CNTNAP5: variants seen among roughly 807,000 people sequenced by gnomAD.
CNTNAP5 encodes the protein contactin-associated protein-like 5.
CNTNAP5 carries 72 observed loss-of-function variants against 150.2 expected under a neutral mutation model. The ratio of observed to expected loss-of-function variants is 0.48; its 90% CI spans 0.40 to 0.58. The LOEUF is 0.58. Among genes scored for constraint, CNTNAP5 ranks in the 20% least tolerant of loss-of-function variants. The probability of loss-of-function intolerance (pLI) is 0.00; values close to 1 mark genes in which losing one functional copy is unlikely to be tolerated. For missense variants in CNTNAP5, 1,636 were observed against 1,626.2 expected (o/e 1.01, Z -0.10); for synonymous variants, 672 against 619.8 (o/e 1.08, Z -1.25).
At chr2:124,090,711 G>T (rs919905796) in intron 1 of CNTNAP5, among the ~76,000 whole-genome samples, 3 of 152,148 alleles carry the variant, frequency 2.0e-5, no homozygotes, top group Non-Finnish European at 4.4e-5. Context: ...GGTATTGATT[G>T]TCTACCATTG....
intron 2 of CNTNAP5, among the ~76,000 whole-genome samples, chr2:124,241,466 A>T (rs1342462598): frequency 6.6e-6 from 1 of 151,878 alleles, no homozygotes; most frequent in Non-Finnish European, 1.5e-5. Context: ...CTCAGGTTTC[A>T]CCTCTACTAT....
intron 10 of CNTNAP5, among the ~76,000 whole-genome samples, chr2:124,561,241 G>A (rs918139972): frequency 2.6e-5 from 4 of 152,172 alleles, no homozygotes; most frequent in Non-Finnish European, 5.9e-5. Context: ...TCAGAAGCAG[G>A]GAGATGCTGG....
At chr2:124,092,414 T>C (rs1322759184) in intron 1 of CNTNAP5, among the ~76,000 whole-genome samples, 5 of 152,092 alleles carry the variant, frequency 3.3e-5, no homozygotes, top group African/African-American at 4.8e-5. Flanking sequence ...TTTAAAAGAG[T>C]AAACAAACAT....
intron 2 of CNTNAP5, among the ~76,000 whole-genome samples, chr2:124,222,239 T>C (rs1686339683): frequency 1.3e-5 from 2 of 152,070 alleles, no homozygotes; most frequent in East Asian, 3.8e-4. Flanking sequence ...ATACTATTAA[T>C]TGAAAGTAAG....
intron 2 of CNTNAP5, among the ~76,000 whole-genome samples, chr2:124,239,689 A>C (rs1686838163): frequency 7.7e-6 from 1 of 130,266 alleles, no homozygotes; most frequent in African/African-American, 2.8e-5. Flanking sequence ...GACCATTTCA[A>C]CAACATTTTT....
At chr2:124,565,865 C>T (rs1229108860) in intron 11 of CNTNAP5, among the ~76,000 whole-genome samples, 1 of 151,882 alleles carries the variant, frequency 6.6e-6, no homozygotes, top group South Asian at 2.1e-4. Flanking sequence ...TCCCAAAGCG[C>T]TGGGATTACA....
At chr2:124,144,639 A>C (rs1684197940) in intron 1 of CNTNAP5, among the ~76,000 whole-genome samples, 1 of 133,894 alleles carries the variant, frequency 7.5e-6, no homozygotes, top group Admixed American at 7.8e-5. Flanking sequence ...TACAAAAATC[A>C]ATTCAAGATG....
chr2:124,060,675 A>G (rs993337066), intron 1 of CNTNAP5, among the ~76,000 whole-genome samples: 1 of 152,308 alleles, frequency 6.6e-6, no homozygotes, highest in East Asian at 1.9e-4. Context: ...GCGTCTTTGC[A>G]TTATTAGCAG....
At chr2:124,353,855 G>C (rs886802126) in intron 3 of CNTNAP5, among the ~76,000 whole-genome samples, 1 of 152,186 alleles carries the variant, frequency 6.6e-6, no homozygotes, top group East Asian at 1.9e-4. Context: ...GTGTCACAGA[G>C]AGAGTCAGTG....
chr2:124,273,643 C>T (rs865976374), intron 3 of CNTNAP5, among the ~76,000 whole-genome samples: 3 of 152,144 alleles, frequency 2.0e-5, no homozygotes, highest in African/African-American at 2.4e-5. Flanking sequence ...CCCCCTTAAC[C>T]CCGACCTGCT....
At chr2:124,792,216 C>A (rs762932233) in intron 18 of CNTNAP5, among the ~76,000 whole-genome samples, 1 of 151,968 alleles carries the variant, frequency 6.6e-6, no homozygotes, top group African/African-American at 2.4e-5. Flanking sequence ...GTTTCATTGG[C>A]GATTTTTCCG....
intron 13 of CNTNAP5, among the ~76,000 whole-genome samples, chr2:124,740,580 A>G (rs1381407089): frequency 1.3e-5 from 2 of 152,172 alleles, no homozygotes; most frequent in Non-Finnish European, 2.9e-5. Flanking sequence ...TTCTAACCAT[A>G]TTGCAAACAC....
intron 13 of CNTNAP5, among the ~76,000 whole-genome samples, chr2:124,671,482 A>C (rs1278770246): frequency 3.9e-5 from 6 of 152,306 alleles, no homozygotes; most frequent in African/African-American, 1.4e-4. Context: ...AGGAGGAAAA[A>C]ATGTAATAAT....
At chr2:124,259,885 G>T (rs1233079838) in intron 3 of CNTNAP5, among the ~76,000 whole-genome samples, 3 of 152,134 alleles carry the variant, frequency 2.0e-5, no homozygotes, top group African/African-American at 7.2e-5. Flanking sequence ...ACAAATGGAA[G>T]CACATTCCAT....
At chr2:124,171,173 A>G (rs1684924313) in intron 1 of CNTNAP5, among the ~76,000 whole-genome samples, 1 of 152,220 alleles carries the variant, frequency 6.6e-6, no homozygotes, top group East Asian at 1.9e-4. Context: ...GCTTTCATCG[A>G]GTAATTTCAG....
At chr2:124,430,818 A>AT (rs1039331707) in intron 4 of CNTNAP5, among the ~76,000 whole-genome samples, 89 of 152,208 alleles carry the variant, frequency 5.8e-4, no homozygotes, top group Admixed American at 1.2e-3. Context: ...CCCAGACAGA[A>AT]TTTTTTCACA....
chr2:124,497,650 C>A (rs998060318), intron 7 of CNTNAP5, among the ~76,000 whole-genome samples: 4 of 152,262 alleles, frequency 2.6e-5, no homozygotes, highest in Non-Finnish European at 4.4e-5. Context: ...GGTACTTGTT[C>A]TAGCTTAGTA....
At position 124,579,297 on chromosome 2, in the gene CNTNAP5, G is replaced by A. The variant is rs545230535; in HGVS notation, c.1756+15974G>A. Reference sequence around the variant, plus strand: ...TAGTAGATTCTATTGTAAAGGATATGGTTACACAAAATATTTTATATTCTC... The same window carrying A: ...TAGTAGATTCTATTGTAAAGGATATAGTTACACAAAATATTTTATATTCTC... On this transcript the variant is annotated intron_variant, in intron 11 of 23. Transcript: ENST00000682447. Among the ~76,000 whole-genome samples, 11 of 152,226 alleles carry A rather than the reference G, an allele frequency of 7.2e-5. No individual in the cohort carries two copies. The South Asian group carries it at 1.9e-3, about 26-fold the overall frequency.
intron 1 of CNTNAP5, among the ~76,000 whole-genome samples, chr2:124,072,050 A>T (rs1682317566): frequency 6.6e-6 from 1 of 152,032 alleles, no homozygotes; most frequent in Non-Finnish European, 1.5e-5. Flanking sequence ...AGTGGGATTT[A>T]TCCCCATGAT....
Sources: gnomAD v4.1 joint callset for allele counts (sites outside exome capture counted in the v4.1 genomes callset) on GRCh38, gnomAD v4.1.1 for gene constraint, MANE v1.5 for transcripts, NCBI Gene and HGNC (gene_info 2026-07-23, HGNC 2026-07-21) for gene names.